The following SLC71A1 variants were observed in gnomAD, a reference collection of about 807,000 sequenced individuals.
SLC71A1 encodes the protein solute carrier family 71 member 1.
chr1:100,069,321 C>T, the SLC71A1 span, among the ~76,000 whole-genome samples: 1 of 152,142 alleles, frequency 6.6e-6, no homozygotes, highest in East Asian at 1.9e-4. Flanking sequence ...AGCCTTTAAC[C>T]AATACATGTA....
the SLC71A1 span, among the ~76,000 whole-genome samples, chr1:100,054,295 C>G: frequency 6.6e-6 from 1 of 151,998 alleles, no homozygotes; most frequent in African/African-American, 2.4e-5. Context: ...CTCACTGCAA[C>G]CTTCGCCTCC....
chr1:100,055,345 A>ATTT, the SLC71A1 span, among the ~76,000 whole-genome samples: 4 of 140,254 alleles, frequency 2.9e-5, no homozygotes, highest in African/African-American at 5.2e-5. Context: ...CTTTTTTGCA[A>ATTT]TTTTTTTTTT....
the SLC71A1 span, among the ~76,000 whole-genome samples, chr1:100,072,208 T>C: frequency 4.7e-4 from 72 of 152,332 alleles, no homozygotes; most frequent in South Asian, 2.1e-3. Context: ...TGACCTTCCA[T>C]ACCACTGAAA....
At chr1:100,067,897 T>C in the SLC71A1 span, 3 of 1,087,310 alleles carry the variant, frequency 2.8e-6, no homozygotes, top group South Asian at 3.9e-5. Context: ...CTGACATAAA[T>C]CAAGATTATG....
At chr1:100,055,772 G>A in the SLC71A1 span, among the ~76,000 whole-genome samples, 2 of 151,398 alleles carry the variant, frequency 1.3e-5, no homozygotes, top group Non-Finnish European at 2.9e-5. Context: ...TTGTTTTTTT[G>A]AGACGGAGTC....
the SLC71A1 span, among the ~76,000 whole-genome samples, chr1:100,059,144 G>GGTTTTTTTTT: frequency 1.3e-5 from 1 of 75,416 alleles, no homozygotes; most frequent in African/African-American, 5.9e-5. Context: ...TCTTTTTCGT[G>GGTTTTTTTTT]TTTTTTTTTT....
At chr1:100,076,341 C>T in the SLC71A1 span, among the ~76,000 whole-genome samples, 1 of 152,016 alleles carries the variant, frequency 6.6e-6, no homozygotes, top group South Asian at 2.1e-4. Flanking sequence ...ATATTAAAAA[C>T]GTTAGTTAGA....
the SLC71A1 span, among the ~76,000 whole-genome samples, chr1:100,040,271 ATTC>A: frequency 6.6e-6 from 1 of 152,016 alleles, no homozygotes; most frequent in Non-Finnish European, 1.5e-5. Flanking sequence ...AATTTTGTTT[ATTC>A]TTATACGTAA....
the SLC71A1 span, among the ~76,000 whole-genome samples, chr1:100,049,542 A>G: frequency 9.9e-5 from 15 of 152,156 alleles, no homozygotes; most frequent in Non-Finnish European, 2.2e-4. Context: ...TATGAGACCC[A>G]TAATGCCGCA....
the SLC71A1 span, among the ~76,000 whole-genome samples, chr1:100,052,014 T>A: frequency 3.3e-5 from 5 of 152,128 alleles, no homozygotes; most frequent in African/African-American, 1.2e-4. Flanking sequence ...TAAGCTGCAG[T>A]GTTGGTATTT....
At chr1:100,067,743 A>G in the SLC71A1 span, among the ~76,000 whole-genome samples, 1 of 152,056 alleles carries the variant, frequency 6.6e-6, no homozygotes, top group African/African-American at 2.4e-5. Flanking sequence ...CTGAGAGGTC[A>G]AGACTACAGT....
At chr1:100,078,558 T>C in the SLC71A1 span, 1 of 1,570,916 alleles carries the variant, frequency 6.4e-7, no homozygotes, top group Non-Finnish European at 8.8e-7. Context: ...GGTGAGTTGA[T>C]AGGAACTAGC....
the SLC71A1 span, chr1:100,080,454 A>C: frequency 5.1e-6 from 8 of 1,562,258 alleles, no homozygotes; most frequent in African/African-American, 1.4e-5. Context: ...GGGAAAAAAA[A>C]CCAGGTAGTT....
chr1:100,064,268 A>G, the SLC71A1 span, among the ~76,000 whole-genome samples: 4 of 152,042 alleles, frequency 2.6e-5, no homozygotes, highest in African/African-American at 9.7e-5. Flanking sequence ...CAGCCTCCCC[A>G]GTAGCTATGC....
chr1:100,081,072 T>C, the SLC71A1 span, among the ~76,000 whole-genome samples: 6 of 152,198 alleles, frequency 3.9e-5, no homozygotes, highest in Non-Finnish European at 7.3e-5. Context: ...ATGCTGATCA[T>C]TTTGGCCAAT....
At chr1:100,074,357 C>T in the SLC71A1 span, among the ~76,000 whole-genome samples, 4 of 151,920 alleles carry the variant, frequency 2.6e-5, no homozygotes, top group African/African-American at 9.7e-5. Flanking sequence ...GGTGAATCAC[C>T]TGAGGTCAGG....
the SLC71A1 span, among the ~76,000 whole-genome samples, chr1:100,043,682 C>T: frequency 6.6e-6 from 1 of 152,196 alleles, no homozygotes; most frequent in Non-Finnish European, 1.5e-5. Context: ...CCAGTGTATA[C>T]TGTACCCAAT....
chr1:100,052,220 C>T, the SLC71A1 span, among the ~76,000 whole-genome samples: 1 of 152,106 alleles, frequency 6.6e-6, no homozygotes. Context: ...AATTTGTTAT[C>T]AGTATTTCAA....
At chr1:100,038,413 C>T in the SLC71A1 span, 1 of 963,312 alleles carries the variant, frequency 1.0e-6, no homozygotes, top group Non-Finnish European at 1.6e-6. Flanking sequence ...CCCGGTGCCT[C>T]CCTCCCTTCC....
Sources: allele counts gnomAD v4.1 joint callset (sites outside exome capture counted in the v4.1 genomes callset), GRCh38; gene constraint gnomAD v4.1.1; transcripts MANE v1.5; gene names NCBI Gene and HGNC (gene_info 2026-07-23, HGNC 2026-07-21).